The following SNX7 variants were observed in gnomAD, a reference collection of about 807,000 sequenced individuals.
SNX7 encodes the protein sorting nexin 7.
Under a neutral mutation model 48.4 loss-of-function variants are expected in SNX7, and 35 were observed. That is an observed-to-expected ratio of 0.72 (90% confidence interval 0.55 to 0.96). SNX7 has a LOEUF of 0.96. Ranked by LOEUF, SNX7 falls within the 40% of genes least tolerant of loss-of-function variation. SNX7 has a pLI of 0.00. For synonymous variants in SNX7, 190 were observed against 190.2 expected, an observed-to-expected ratio of 1.00 and a Z score of 0.01; for missense variants, 553 against 548.9, an observed-to-expected ratio of 1.01 and a Z score of -0.07.
In SNX7 at chr1:98,691,190, G is replaced by C; in HGVS notation, c.474+5G>C. On this transcript the variant is annotated splice_donor_5th_base_variant and intron_variant, in intron 3 of 8. Coordinates refer to ENST00000306121, the MANE Select transcript of SNX7 (RefSeq NM_015976.5). ...CACCCCACTCTGATTATTCCAGTAA[G>C]TTTGCAAAATTTTTTTTTTCATAGA... 6.3e-7 allele frequency: 1 copy of C among 1,579,416 alleles called. No homozygotes were observed. Among genetic ancestry groups the C allele is most frequent in the Non-Finnish European group, 8.6e-7 (1 of 1,162,614 alleles).
chr1:98,684,579 C>T (rs910625878), intron 1 of SNX7, among the ~76,000 whole-genome samples: 3 of 152,226 alleles, frequency 2.0e-5, no homozygotes, highest in East Asian at 1.9e-4. Context: ...AAAGGCTCCA[C>T]CTCTTAATAC....
Position 98,691,519 on chromosome 1 carries a change from A to T in SNX7, c.475-16A>T. On this transcript the variant is annotated splice_polypyrimidine_tract_variant and intron_variant, in intron 3 of 8. Coordinates refer to ENST00000306121, the MANE Select transcript of SNX7 (RefSeq NM_015976.5). The stretch of plus-strand genomic sequence containing the variant: ...CTAATAATACTTGAATACCTTTTTA[A>T]TTTTTTTTGCCTTAGCCATTGCCAG... 1.3e-6 allele frequency: 2 copies of T among 1,550,236 alleles called. No homozygotes were observed. The highest frequency in any genetic ancestry group is 1.7e-6 in the Non-Finnish European group (2 of 1,153,276).
At chr1:98,690,044 C>T (rs1255512781) in intron 2 of SNX7, among the ~76,000 whole-genome samples, 1 of 152,016 alleles carries the variant, frequency 6.6e-6, no homozygotes, top group African/African-American at 2.4e-5. Flanking sequence ...CTTTCATGGA[C>T]CTTATTTTAT....
intron 1 of SNX7, 183 bp downstream of exon 1, chr1:98,662,094 G>A: frequency 1.9e-6 from 1 of 539,600 alleles, no homozygotes; most frequent in Admixed American, 4.4e-5. Flanking sequence ...CCGGGGCCGC[G>A]TCGCCTCGGG....
intron 8 of SNX7, among the ~76,000 whole-genome samples, chr1:98,756,422 G>GTTTTTTTTTTTT (rs35117249): frequency 9.1e-5 from 5 of 54,686 alleles, no homozygotes; most frequent in Admixed American, 3.3e-4. Context: ...TGCCAGATGA[G>GTTTTTTTTTTTT]TTTTTTTTTT....
rs187769009 is a variant in SNX7, at chr1:98,737,193, T to C, written c.1126-1044T>C. ...GGTGTTTCCTCTGCTGGGAATGTGT[T>C]TCCACTGAGAGTCCCATGGTTCATT... is the stretch of plus-strand genomic sequence containing the variant. On this transcript the variant is annotated intron_variant, in intron 7 of 8. Coordinates refer to ENST00000306121, the MANE Select transcript of SNX7 (RefSeq NM_015976.5). Among the ~76,000 whole-genome samples, 53 of 152,254 alleles carry C rather than the reference T, an allele frequency of 3.5e-4. No homozygotes were observed. The East Asian group carries it at 8.5e-3, about 24-fold the overall frequency.
chr1:98,684,159 T>G (rs1226136984), intron 1 of SNX7, among the ~76,000 whole-genome samples: 1 of 152,234 alleles, frequency 6.6e-6, no homozygotes, highest in Non-Finnish European at 1.5e-5. Flanking sequence ...CTCTTCTAGA[T>G]TACTTTTCAG....
chr1:98,694,124 A>G (rs1044566068), intron 4 of SNX7, among the ~76,000 whole-genome samples: 1 of 151,204 alleles, frequency 6.6e-6, no homozygotes, highest in Admixed American at 6.6e-5. Flanking sequence ...TAATCCCAGC[A>G]CTTTGGGAGG....
chr1:98,717,789 T>C (rs375746261), intron 7 of SNX7, among the ~76,000 whole-genome samples: 3 of 151,958 alleles, frequency 2.0e-5, no homozygotes, highest in East Asian at 3.9e-4. Flanking sequence ...TCATAAGCAG[T>C]GTGGGTAGGG....
chr1:98,695,831 T>C, intron 5 of SNX7, 115 bp downstream of exon 5: 1 of 773,388 alleles, frequency 1.3e-6, no homozygotes, highest in Non-Finnish European at 2.2e-6. Context: ...AAGTGTGGCT[T>C]ATTCCTAGCC....
At chr1:98,707,817 C>T (rs1652088971) in intron 7 of SNX7, among the ~76,000 whole-genome samples, 1 of 152,094 alleles carries the variant, frequency 6.6e-6, no homozygotes, top group Non-Finnish European at 1.5e-5. Flanking sequence ...TTTGCACAGC[C>T]ACATTCAGTA....
At chr1:98,737,844 A>T (rs968203030) in intron 7 of SNX7, among the ~76,000 whole-genome samples, 2 of 152,188 alleles carry the variant, frequency 1.3e-5, no homozygotes, top group African/African-American at 4.8e-5. Flanking sequence ...GGGAATCTGA[A>T]GTGAAAGACA....
In SNX7 at chr1:98,759,324, T is replaced by C. The variant is rs115478659; in HGVS notation, c.1279-730T>C. On this transcript the variant is annotated intron_variant, in intron 8 of 8. Coordinates refer to ENST00000306121, the MANE Select transcript of SNX7 (RefSeq NM_015976.5). ...AAATGTGTACAGACTATTAAAATTATGCTGTAGATAAACTTCATACAGATA... is the reference window on the plus strand; with the variant it reads ...AAATGTGTACAGACTATTAAAATTACGCTGTAGATAAACTTCATACAGATA... Among the ~76,000 whole-genome samples the C allele has an allele frequency of 4.9e-3, 745 of 152,186 alleles. 10 individuals are homozygous for C. Among genetic ancestry groups the C allele is most frequent in the African/African-American group, 0.017 (703 of 41,550 alleles).
chr1:98,745,913 G>A (rs190079306), intron 8 of SNX7, among the ~76,000 whole-genome samples: 47 of 152,072 alleles, frequency 3.1e-4, no homozygotes, highest in African/African-American at 6.0e-4. Flanking sequence ...CTTGTGTTTC[G>A]AGAGCCCAGC....
At chr1:98,666,649 A>G (rs72967794) in intron 1 of SNX7, among the ~76,000 whole-genome samples, 8,559 of 152,202 alleles carry the variant, frequency 0.056, 754 homozygotes, top group African/African-American at 0.18. Flanking sequence ...ATGCTCTTCT[A>G]TGATGTGACC....
chr1:98,686,806 T>G (rs1650826165), intron 2 of SNX7, among the ~76,000 whole-genome samples: 1 of 152,098 alleles, frequency 6.6e-6, no homozygotes, highest in African/African-American at 2.4e-5. Context: ...ACTGCTAGAG[T>G]AGAGCCAAAT....
At chr1:98,667,614 T>G (rs1157087537) in intron 1 of SNX7, among the ~76,000 whole-genome samples, 2 of 151,698 alleles carry the variant, frequency 1.3e-5, no homozygotes, top group Non-Finnish European at 2.9e-5. Context: ...ATTCCTGACC[T>G]CAGGTGATCT....
chr1:98,748,908 A>G (rs1654440984), intron 8 of SNX7, among the ~76,000 whole-genome samples: 1 of 152,152 alleles, frequency 6.6e-6, no homozygotes, highest in Non-Finnish European at 1.5e-5. Flanking sequence ...AACATGCTAT[A>G]AAATAATGTG....
At chr1:98,701,766 G>T in intron 6 of SNX7, 51 bp from the exon 7 acceptor site, 1 of 1,264,244 alleles carries the variant, frequency 7.9e-7, no homozygotes. Flanking sequence ...CTATAGGAAA[G>T]ATTATTAAAA....
Sources: gnomAD v4.1 joint callset for allele counts (sites outside exome capture counted in the v4.1 genomes callset) on GRCh38, gnomAD v4.1.1 for gene constraint, MANE v1.5 for transcripts, NCBI Gene and HGNC (gene_info 2026-07-23, HGNC 2026-07-21) for gene names.